The following PMS1 variants were observed in gnomAD, a reference collection of about 807,000 sequenced individuals.
The protein encoded by PMS1 is PMS1 homolog 1, mismatch repair system component, also known as PMS1 protein homolog 1.
PMS1 carries 79 observed loss-of-function variants against 93.1 expected under a neutral mutation model. The observed-to-expected ratio is 0.85, with a 90% CI of 0.71 to 1.02. The LOEUF is 1.02. PMS1 is among the 50% of genes least tolerant of loss of function. The probability of loss-of-function intolerance (pLI) is 0.00; values close to 1 mark genes in which losing one functional copy is unlikely to be tolerated. For missense variants in PMS1, 1,064 were observed against 1,085.3 expected (o/e 0.98, Z 0.28); for synonymous variants, 335 against 363.4 (o/e 0.92, Z 0.89).
intron 2 of PMS1, among the ~76,000 whole-genome samples, chr2:189,794,916 G>A (rs962285686): frequency 3.3e-5 from 5 of 152,076 alleles, no homozygotes. Context: ...GGACAACAAA[G>A]TGAGACCCCA....
chr2:189,784,534 T>C lies in PMS1; in HGVS notation c.-80T>C. On this transcript the variant is annotated 5_prime_UTR_variant, in exon 1 of 13. Coordinates refer to ENST00000441310, the MANE Select transcript of PMS1 (RefSeq NM_000534.5). ...TGCGGGGTTGGGCCTGCGCATCGGG[T>C]GAGACGCTGGCTGCTTGCGGCTAGT... is the stretch of plus-strand genomic sequence containing the variant. 1 of 153,124 alleles carries C rather than the reference T, an allele frequency of 6.5e-6. No homozygotes were observed. Among genetic ancestry groups the C allele is most frequent in the Non-Finnish European group, 1.5e-5 (1 of 68,626 alleles). The allele number at this position is 153,124 out of a possible 1,614,324, so 9.5% of individuals were successfully genotyped here. A position where few individuals can be genotyped will look rare whatever the true frequency, so the allele number is the denominator to read the frequency against.
intron 5 of PMS1, among the ~76,000 whole-genome samples, chr2:189,832,096 G>T (rs2052998595): frequency 6.6e-6 from 1 of 152,128 alleles, no homozygotes; most frequent in Non-Finnish European, 1.5e-5. Flanking sequence ...AACAAAATAG[G>T]TTGTATGGGA....
intron 1 of PMS1, 108 bp from the exon 2 acceptor site, chr2:189,791,682 G>A: frequency 2.7e-6 from 2 of 744,190 alleles, no homozygotes; most frequent in East Asian, 2.6e-5. Context: ...GTAGCATACA[G>A]TAAGTCTCAG....
chr2:189,808,964 C>T (rs2050586630), intron 4 of PMS1, among the ~76,000 whole-genome samples: 1 of 152,240 alleles, frequency 6.6e-6, no homozygotes, highest in South Asian at 2.1e-4. Context: ...AATTGATTTA[C>T]CCTCCTAGTC....
At chr2:189,787,137 A>G (rs147777326) in intron 1 of PMS1, among the ~76,000 whole-genome samples, 45 of 152,294 alleles carry the variant, frequency 3.0e-4, no homozygotes, top group Admixed American at 5.9e-4. Context: ...CATCTAAATG[A>G]TGATATTTAG....
At chr2:189,834,506 T>C (rs866148647) in intron 5 of PMS1, among the ~76,000 whole-genome samples, 32 of 152,202 alleles carry the variant, frequency 2.1e-4, no homozygotes, top group African/African-American at 6.0e-4. Context: ...TTAATTGTTG[T>C]TAAGAATGTG....
chr2:189,792,502 TAAATC>T (rs2048954016), intron 2 of PMS1, among the ~76,000 whole-genome samples: 2 of 151,920 alleles, frequency 1.3e-5, no homozygotes, highest in Admixed American at 6.6e-5. Context: ...GGAAGGTAAA[TAAATC>T]TGATTGAATG....
At chr2:189,832,031 T>TTGAAAAAAGGCCCAGAAG in intron 5 of PMS1, among the ~76,000 whole-genome samples, 1 of 152,200 alleles carries the variant, frequency 6.6e-6, no homozygotes, top group Non-Finnish European at 1.5e-5. Flanking sequence ...GTTGCTTGTT[T>TTGAAAAAAGGCCCAGAAG]TGAAAAAAGG....
chr2:189,830,097 A>C (rs1319523785), intron 5 of PMS1, among the ~76,000 whole-genome samples: 1 of 152,144 alleles, frequency 6.6e-6, no homozygotes, highest in Non-Finnish European at 1.5e-5. Flanking sequence ...TTCTGTATAG[A>C]GTCAGATGGT....
At chr2:189,816,340 A>T (rs1376669321) in intron 4 of PMS1, among the ~76,000 whole-genome samples, 1 of 152,012 alleles carries the variant, frequency 6.6e-6, no homozygotes, top group Admixed American at 6.5e-5. Flanking sequence ...ACTGGGTGTC[A>T]ATTTCTTAAT....
At chr2:189,802,125 G>C (rs2049944836) in intron 3 of PMS1, among the ~76,000 whole-genome samples, 1 of 151,978 alleles carries the variant, frequency 6.6e-6, no homozygotes, top group Admixed American at 6.6e-5. Flanking sequence ...CCATTTAAAT[G>C]GTTACAGTGT....
chr2:189,856,437 G>A (rs890574378), intron 9 of PMS1, among the ~76,000 whole-genome samples: 2 of 151,814 alleles, frequency 1.3e-5, no homozygotes, highest in Non-Finnish European at 2.9e-5. Context: ...CTTTTTTAAA[G>A]GTATAGATTC....
At chr2:189,850,645 A>G (rs2106440395) in intron 6 of PMS1, among the ~76,000 whole-genome samples, 1 of 152,326 alleles carries the variant, frequency 6.6e-6, no homozygotes, top group South Asian at 2.1e-4. Flanking sequence ...GGGGACCATC[A>G]TCATTTATAC....
intron 12 of PMS1, among the ~76,000 whole-genome samples, chr2:189,874,108 A>T (rs895738714): frequency 6.6e-6 from 1 of 152,216 alleles, no homozygotes; most frequent in Non-Finnish European, 1.5e-5. Flanking sequence ...CTATTAAAAA[A>T]AAAAAGAACA....
intron 6 of PMS1, among the ~76,000 whole-genome samples, chr2:189,851,803 TA>T (rs2054759882): frequency 6.6e-6 from 1 of 152,086 alleles, no homozygotes. Flanking sequence ...ATATTTTAAA[TA>T]ACTTAACAAA....
At chr2:189,829,674 G>A (rs144223164) in intron 5 of PMS1, among the ~76,000 whole-genome samples, 5 of 152,244 alleles carry the variant, frequency 3.3e-5, no homozygotes, top group African/African-American at 1.2e-4. Context: ...GTAAATTCAT[G>A]AGCATTAATC....
chr2:189,822,179 G>A (rs1181313785), intron 5 of PMS1, among the ~76,000 whole-genome samples: 1 of 152,178 alleles, frequency 6.6e-6, no homozygotes, highest in Admixed American at 6.5e-5. Flanking sequence ...AGGAGGAGGC[G>A]GGGCTGGCGC....
chr2:189,796,917 A>C (rs2049411466), intron 3 of PMS1, among the ~76,000 whole-genome samples: 1 of 152,200 alleles, frequency 6.6e-6, no homozygotes, highest in South Asian at 2.1e-4. Flanking sequence ...ATGTCATATC[A>C]TAATTCTGTG....
intron 6 of PMS1, among the ~76,000 whole-genome samples, chr2:189,849,488 A>C (rs1039383431): frequency 3.3e-5 from 5 of 152,170 alleles, no homozygotes; most frequent in African/African-American, 4.8e-5. Context: ...TGTTACATAT[A>C]CTAATAATTT....
Sources: gnomAD v4.1 joint callset for allele counts (sites outside exome capture counted in the v4.1 genomes callset) on GRCh38, gnomAD v4.1.1 for gene constraint, MANE v1.5 for transcripts, NCBI Gene and HGNC (gene_info 2026-07-23, HGNC 2026-07-21) for gene names.